The following CHMP1B variants were observed in gnomAD, a reference collection of about 807,000 sequenced individuals.
CHMP1B encodes the protein VPS46 homolog B.
CHMP1B carries 5 observed loss-of-function variants against 11.5 expected under a neutral mutation model. The ratio of observed to expected loss-of-function variants is 0.43; its 90% CI spans 0.23 to 0.91. CHMP1B has a LOEUF of 0.91. Ranked by LOEUF, CHMP1B falls within the 40% of genes least tolerant of loss-of-function variation. The probability of loss-of-function intolerance (pLI) is 0.25; values close to 1 mark genes in which losing one functional copy is unlikely to be tolerated. For missense variants in CHMP1B, 246 were observed against 261.2 expected (o/e 0.94, Z 0.40); for synonymous variants, 105 against 105.7 (o/e 0.99, Z 0.04).
At position 11,851,642 on chromosome 18, in the gene CHMP1B, A is replaced by G. The variant is rs759848382; in HGVS notation, c.131A>G (p.Asn44Ser). 14 of 1,613,950 alleles carry G rather than the reference A, an allele frequency of 8.7e-6. No homozygotes were observed. In the African/African-American group the frequency reaches 1.7e-4, roughly 20 times the overall value. ...AKIKKAIQKG[N>S]MEVARIHAEN... ...ATTAAAAAGGCCATTCAGAAGGGCA[A>G]CATGGAAGTTGCGAGGATACACGCC... Residue 44 changes from asparagine to serine, a missense_variant, in exon 1 of 1, where the codon AAC becomes AGC. Transcript: ENST00000526991.
In CHMP1B at chr18:11,852,174, A is replaced by G. The variant is rs572395325; in HGVS notation, c.*63A>G. The G allele has an allele frequency of 6.1e-6, 9 of 1,483,502 alleles. No individual in the cohort carries two copies. In the East Asian group the frequency reaches 1.7e-4, roughly 28 times the overall value. 91.9% of individuals were successfully genotyped at this position (1,483,502 alleles called of 1,614,324 possible). ...CCCTTTGAAATGCTCTCTGTGTGTT[A>G]GAGAGATACTATACCCTAGAAACTC... On this transcript the variant is annotated 3_prime_UTR_variant, in exon 1 of 1. Transcript: ENST00000526991.
chr18:11,852,142 A>G lies in CHMP1B; in HGVS notation c.*31A>G. On this transcript the variant is annotated 3_prime_UTR_variant, in exon 1 of 1. Coordinates refer to ENST00000526991, the MANE Select transcript of CHMP1B (RefSeq NM_020412.5). ...GAACCCGCTCTGAGGTTTCCTGGCC[A>G]TAGCCACCCTTTGAAATGCTCTCTG... The G allele has an allele frequency of 6.5e-7, 1 of 1,539,388 alleles. No homozygotes were observed. Among genetic ancestry groups the G allele is most frequent in the Non-Finnish European group, 8.8e-7 (1 of 1,141,542 alleles).
chr18:11,851,418 C>G lies in CHMP1B; in HGVS notation c.-94C>G. On this transcript the variant is annotated 5_prime_UTR_variant, in exon 1 of 1. Transcript: ENST00000526991. ...GTAGAAACAGGAAGTGGGACCAAAA[C>G]AAAGGAGCGGCGGCCGGGAGCGGAC... The G allele has an allele frequency of 7.1e-7, 1 of 1,404,390 alleles. No homozygotes were observed. Among genetic ancestry groups the G allele is most frequent in the South Asian group, 1.5e-5 (1 of 65,516 alleles). The allele number at this position is 1,404,390 out of a possible 1,614,324, so 87.0% of individuals were successfully genotyped here. A position where few individuals can be genotyped will look rare whatever the true frequency, so the allele number is the denominator to read the frequency against.
At position 11,853,763 on chromosome 18, in the gene CHMP1B, C is replaced by T. The variant is rs1405085575; in HGVS notation, c.*1652C>T. 6.0e-6 allele frequency: 1 copy of T among 167,032 alleles called. No homozygotes were observed. The highest frequency in any genetic ancestry group is 1.5e-5 in the Non-Finnish European group (1 of 68,134). The allele number at this position is 167,032 out of a possible 1,614,324, so 10.3% of individuals were successfully genotyped here. A position where few individuals can be genotyped will look rare whatever the true frequency, so the allele number is the denominator to read the frequency against. ...CTGCCCAGCATCTCTCAAGAATATC[C>T]CTCCTGTCCTCCACATGGTTGTGCA... is the stretch of plus-strand genomic sequence containing the variant. On this transcript the variant is annotated 3_prime_UTR_variant, in exon 1 of 1. Coordinates refer to ENST00000526991, the MANE Select transcript of CHMP1B (RefSeq NM_020412.5).
rs2035913421 is a variant in CHMP1B, at chr18:11,852,858, TACTA to T, written c.*749_*752del. 6.0e-6 allele frequency: 1 copy of T among 167,070 alleles called. No homozygotes were observed. Among genetic ancestry groups the T allele is most frequent in the South Asian group, 2.1e-4 (1 of 4,834 alleles). The allele number at this position is 167,070 out of a possible 1,614,324, so 10.3% of individuals were successfully genotyped here. A position where few individuals can be genotyped will look rare whatever the true frequency, so the allele number is the denominator to read the frequency against. On this transcript the variant is annotated 3_prime_UTR_variant, in exon 1 of 1. Coordinates refer to ENST00000526991, the MANE Select transcript of CHMP1B (RefSeq NM_020412.5). Reference sequence around the variant, plus strand: ...AATTTGTTCATTTATATTTTCTACTTACTAAATTGAGTTTTTAAAAAGACTTAGT... The same window carrying T: ...AATTTGTTCATTTATATTTTCTACTTAATTGAGTTTTTAAAAAGACTTAGT...
rs1228681631 is a variant in CHMP1B at position 11,851,724 on chromosome 18, A to T, written c.213A>T (p.Arg71=). The T allele has an allele frequency of 6.2e-7, 1 of 1,613,918 alleles. No individual in the cohort carries two copies. The highest frequency in any genetic ancestry group is 1.3e-5 in the African/African-American group (1 of 74,938). The part of the protein sequence containing the change: ...QAVNFLRMSA[R]VDAVAARVQT... ...TGAATTTCTTGAGAATGAGTGCGCGAGTCGATGCAGTGGCTGCCAGGGTCC... is the reference window on the plus strand; with the variant it reads ...TGAATTTCTTGAGAATGAGTGCGCGTGTCGATGCAGTGGCTGCCAGGGTCC... The change falls in exon 1 of 1, where the codon CGA becomes CGT. Residue 71 remains arginine, a synonymous_variant. Transcript: ENST00000526991.
rs886632235 is a variant in CHMP1B, at chr18:11,853,680, T to C, written c.*1569T>C. 1 of 167,040 alleles carries C rather than the reference T, an allele frequency of 6.0e-6. No individual in the cohort carries two copies. Among genetic ancestry groups the C allele is most frequent in the Admixed American group, 6.5e-5 (1 of 15,290 alleles). The allele number at this position is 167,040 out of a possible 1,614,324, so 10.3% of individuals were successfully genotyped here. Reference sequence around the variant, plus strand: ...AGGAGTGACCCTCATATTTAAGTTATTTTATATTTGACTGGACATTGTTCA... The same window carrying C: ...AGGAGTGACCCTCATATTTAAGTTACTTTATATTTGACTGGACATTGTTCA... On this transcript the variant is annotated 3_prime_UTR_variant, in exon 1 of 1. Transcript: ENST00000526991.
Position 11,851,544 on chromosome 18 carries a change from G to C in CHMP1B, c.33G>C (p.Leu11=), listed in dbSNP as rs1366922553. 6 of 1,607,036 alleles carry C rather than the reference G, an allele frequency of 3.7e-6. No individual in the cohort carries two copies. The highest frequency in any genetic ancestry group is 1.3e-5 in the African/African-American group (1 of 74,632). ...ACATGGAGAAACACCTGTTCAACCT[G>C]AAGTTCGCGGCCAAAGAACTGAGTA... MSNMEKHLFN[L]KFAAKELSRS... is the part of the protein sequence containing the mutation. The change falls in exon 1 of 1, where the codon CTG becomes CTC. Residue 11 remains leucine, a synonymous_variant. Coordinates refer to ENST00000526991, the MANE Select transcript of CHMP1B (RefSeq NM_020412.5).
chr18:11,851,434 G>A lies in CHMP1B; in HGVS notation c.-78G>A. 2.1e-6 allele frequency: 3 copies of A among 1,438,208 alleles called. No individual in the cohort carries two copies. The highest frequency in any genetic ancestry group is 2.9e-5 in the Admixed American group (1 of 34,914). The allele number at this position is 1,438,208 out of a possible 1,614,324, so 89.1% of individuals were successfully genotyped here. On this transcript the variant is annotated 5_prime_UTR_variant, in exon 1 of 1. Transcript: ENST00000526991. ...GGACCAAAACAAAGGAGCGGCGGCC[G>A]GGAGCGGACTTACCTTACCTTCTCT...
In CHMP1B at chr18:11,851,423, G is replaced by A; in HGVS notation, c.-89G>A. On this transcript the variant is annotated 5_prime_UTR_variant, in exon 1 of 1. Transcript: ENST00000526991. ...AACAGGAAGTGGGACCAAAACAAAG[G>A]AGCGGCGGCCGGGAGCGGACTTACC... The A allele has an allele frequency of 7.1e-7, 1 of 1,414,126 alleles. No individual in the cohort carries two copies. Among genetic ancestry groups the A allele is most frequent in the South Asian group, 1.5e-5 (1 of 65,778 alleles). The allele number at this position is 1,414,126 out of a possible 1,614,324, so 87.6% of individuals were successfully genotyped here.
chr18:11,852,968 TTA>T lies in CHMP1B; in HGVS notation c.*860_*861del, dbSNP rs1477488009. On this transcript the variant is annotated 3_prime_UTR_variant, in exon 1 of 1. Coordinates refer to ENST00000526991, the MANE Select transcript of CHMP1B (RefSeq NM_020412.5). ...TCCTGTTTCAACACTATTAGAAGTC[TTA>T]TAAATTATGCTAATTAGCATGGCAG... The T allele has an allele frequency of 6.0e-6, 1 of 167,088 alleles. No individual in the cohort carries two copies. Among genetic ancestry groups the T allele is most frequent in the Non-Finnish European group, 1.5e-5 (1 of 68,132 alleles). 10.4% of individuals were successfully genotyped at this position (167,088 alleles called of 1,614,324 possible).
chr18:11,851,890 G>A lies in CHMP1B; in HGVS notation c.379G>A (p.Val127Ile), dbSNP rs2035878351. 6.2e-7 allele frequency: 1 copy of A among 1,613,906 alleles called. No homozygotes were observed. The highest frequency in any genetic ancestry group is 8.5e-7 in the Non-Finnish European group (1 of 1,179,888). Residue 127 changes from valine to isoleucine, a missense_variant, in exon 1 of 1, where the codon GTC (valine) becomes ATC (isoleucine). Val to Ile is a conservative substitution (Grantham distance 29, BLOSUM62 3). Transcript: ENST00000526991. ...CGAGCACCAGTTTGAGACTCTGGAC[G>A]TCCAGACGCAGCAAATGGAAGACAC... Reference protein sequence around the residue: ...KFEHQFETLDVQTQQMEDTMS... With the variant: ...KFEHQFETLDIQTQQMEDTMS...
chr18:11,851,711 G>A lies in CHMP1B; in HGVS notation c.200G>A (p.Arg67Lys). ...AAGAACCAGGCGGTGAATTTCTTGA[G>A]AATGAGTGCGCGAGTCGATGCAGTG... ...RQKNQAVNFLRMSARVDAVAA... is the reference protein window; with the variant it reads ...RQKNQAVNFLKMSARVDAVAA... The change falls in exon 1 of 1, where the codon AGA becomes AAA. Residue 67 changes from arginine to lysine, a missense_variant. Arg to Lys is a conservative substitution (Grantham distance 26). Coordinates refer to ENST00000526991, the MANE Select transcript of CHMP1B (RefSeq NM_020412.5). 6.2e-7 allele frequency: 1 copy of A among 1,614,044 alleles called. No individual in the cohort carries two copies. The highest frequency in any genetic ancestry group is 8.5e-7 in the Non-Finnish European group (1 of 1,179,896).
rs2035932638 is a variant in CHMP1B, at chr18:11,853,569, A to T, written c.*1458A>T. ...GGGGCCCTTCCAAGTTCTTTGAAAG[A>T]TTCATAACCAACTATTCACTATTAT... On this transcript the variant is annotated 3_prime_UTR_variant, in exon 1 of 1. Transcript: ENST00000526991. 6.0e-6 allele frequency: 1 copy of T among 167,044 alleles called. No individual in the cohort carries two copies. Among genetic ancestry groups the T allele is most frequent in the African/African-American group, 2.4e-5 (1 of 41,430 alleles). 10.3% of individuals were successfully genotyped at this position (167,044 alleles called of 1,614,324 possible). A position where few individuals can be genotyped will look rare whatever the true frequency, so the allele number is the denominator to read the frequency against.
rs768600593 is a variant in CHMP1B, at chr18:11,851,588, A to G, written c.77A>G (p.Asp26Gly). 7 of 1,613,134 alleles carry G rather than the reference A, an allele frequency of 4.3e-6. No individual in the cohort carries two copies. The East Asian group carries it at 6.7e-5, about 15-fold the overall frequency. The change falls in exon 1 of 1, where the codon GAT becomes GGT. Residue 26 changes from aspartate to glycine, a missense_variant. Transcript: ENST00000526991. The part of the protein sequence containing the change: ...KELSRSAKKC[D>G]KEEKAEKAKI... Reference sequence around the variant, plus strand: ...CTGAGTAGGAGTGCCAAAAAATGCGATAAGGAGGAAAAGGCCGAAAAGGCC... The same window carrying G: ...CTGAGTAGGAGTGCCAAAAAATGCGGTAAGGAGGAAAAGGCCGAAAAGGCC...
chr18:11,851,772 G>C lies in CHMP1B; in HGVS notation c.261G>C (p.Lys87Asn). ...ARVQTAVTMG[K>N]VTKSMAGVVK... is the part of the protein sequence containing the mutation. ...TCCAGACGGCGGTGACGATGGGCAA[G>C]GTGACCAAGTCGATGGCTGGTGTGG... The change falls in exon 1 of 1, where the codon AAG becomes AAC. Residue 87 changes from lysine to asparagine, a missense_variant. Lys to Asn is a moderately conservative substitution (Grantham distance 94, BLOSUM62 0). Coordinates refer to ENST00000526991, the MANE Select transcript of CHMP1B (RefSeq NM_020412.5). 2.5e-6 allele frequency: 4 copies of C among 1,614,018 alleles called. No homozygotes were observed. Among genetic ancestry groups the C allele is most frequent in the Non-Finnish European group, 3.4e-6 (4 of 1,179,898 alleles).
rs147888666 is a variant in CHMP1B, at chr18:11,851,814, G to A, written c.303G>A (p.Ala101=). Residue 101 remains alanine, a synonymous_variant, in exon 1 of 1, where the codon GCG becomes GCA. Coordinates refer to ENST00000526991, the MANE Select transcript of CHMP1B (RefSeq NM_020412.5). ...CTGGTGTGGTTAAGTCGATGGATGC[G>A]ACATTGAAGACCATGAATCTGGAGA... ...SMAGVVKSMD[A]TLKTMNLEKI... 237 of 1,613,830 alleles carry A rather than the reference G, an allele frequency of 1.5e-4. 1 individual carries two copies. In the Admixed American group the frequency reaches 2.3e-3, roughly 16 times the overall value.
chr18:11,851,483 G>A lies in CHMP1B; in HGVS notation c.-29G>A. 1 of 1,508,650 alleles carries A rather than the reference G, an allele frequency of 6.6e-7. No homozygotes were observed. Among genetic ancestry groups the A allele is most frequent in the Non-Finnish European group, 8.8e-7 (1 of 1,133,946 alleles). The allele number at this position is 1,508,650 out of a possible 1,614,324, so 93.5% of individuals were successfully genotyped here. On this transcript the variant is annotated 5_prime_UTR_variant, in exon 1 of 1. Coordinates refer to ENST00000526991, the MANE Select transcript of CHMP1B (RefSeq NM_020412.5). ...CTGCCTTCGGCGCGCTTCTCAGCCGGGCCGCCGACCCAAAGGAGCCGTCCG... is the reference window on the plus strand; with the variant it reads ...CTGCCTTCGGCGCGCTTCTCAGCCGAGCCGCCGACCCAAAGGAGCCGTCCG...
At position 11,851,780 on chromosome 18, in the gene CHMP1B, A is replaced by G; in HGVS notation, c.269A>G (p.Lys90Arg). The G allele has an allele frequency of 6.2e-7, 1 of 1,614,018 alleles. No individual in the cohort carries two copies. The highest frequency in any genetic ancestry group is 8.5e-7 in the Non-Finnish European group (1 of 1,179,910). Residue 90 changes from lysine (K) to arginine (R), a missense_variant, in exon 1 of 1, where the codon AAG (lysine) becomes AGG (arginine). Lys to Arg is a conservative substitution (Grantham distance 26, BLOSUM62 2). Transcript: ENST00000526991. ...GCGGTGACGATGGGCAAGGTGACCA[A>G]GTCGATGGCTGGTGTGGTTAAGTCG... is the stretch of plus-strand genomic sequence containing the variant. ...QTAVTMGKVT[K>R]SMAGVVKSMD...
Sources: allele counts gnomAD v4.1 joint callset, GRCh38; gene constraint gnomAD v4.1.1; transcripts MANE v1.5; gene names NCBI Gene and HGNC (gene_info 2026-07-23, HGNC 2026-07-21).